MYOF: variants seen among roughly 807,000 people sequenced by gnomAD.
MYOF encodes fer-1-like 3, myoferlin.
In MYOF, 244 loss-of-function variants were observed where a neutral mutation model predicts 284.2. That is an observed-to-expected ratio of 0.86 (90% confidence interval 0.77 to 0.95). The LOEUF (loss-of-function observed/expected upper bound fraction) is 0.95, where lower values mean the gene tolerates loss of function less well. Among genes scored for constraint, MYOF ranks in the 40% least tolerant of loss-of-function variants. MYOF has a pLI of 0.00. For synonymous variants in MYOF, 904 were observed against 919.7 expected (o/e 0.98, Z 0.31); for missense variants, 2,496 against 2,560.6 (o/e 0.97, Z 0.54).
Position 93,326,118 on chromosome 10 carries a change from CAGAA to C in MYOF, c.5132-157_5132-154del, listed in dbSNP as rs377679326. On this transcript the variant is annotated intron_variant, in intron 45 of 53. Transcript: ENST00000359263. ...CTTTGACTTGTGAAGGAAGAGTTGA[CAGAA>C]AGAGCTTCTGACCAGGAGCCCTGTC... 1.1e-3 allele frequency among the ~76,000 whole-genome samples: 163 copies of C among 152,292 alleles called. 1 individual carries two copies. Among genetic ancestry groups the C allele is most frequent in the African/African-American group, 3.6e-3 (149 of 41,558 alleles).
intron 3 of MYOF, among the ~76,000 whole-genome samples, chr10:93,440,239 C>G (rs1364039300): frequency 1.3e-5 from 2 of 152,078 alleles, no homozygotes; most frequent in Admixed American, 1.3e-4. Context: ...TGGTGAAACC[C>G]CATTTCTACT....
At chr10:93,318,585 C>T (rs1842720734) in intron 49 of MYOF, among the ~76,000 whole-genome samples, 1 of 151,952 alleles carries the variant, frequency 6.6e-6, no homozygotes, top group African/African-American at 2.4e-5. Context: ...ACGGAGAAAC[C>T]CCGTCTCTAC....
chr10:93,354,754 C>G (rs1235855304), intron 31 of MYOF, among the ~76,000 whole-genome samples: 1 of 149,646 alleles, frequency 6.7e-6, no homozygotes, highest in Non-Finnish European at 1.5e-5. Flanking sequence ...GGGAGCTCTA[C>G]TACCTGAGTT....
At chr10:93,424,512 C>T (rs1469883465) in intron 5 of MYOF, among the ~76,000 whole-genome samples, 1 of 151,996 alleles carries the variant, frequency 6.6e-6, no homozygotes, top group Admixed American at 6.6e-5. Flanking sequence ...TGTTCTTGAG[C>T]CACTGCAGCG....
rs1847758335 is a variant in MYOF at position 93,408,842 on chromosome 10, C to T, written c.674G>A (p.Cys225Tyr). Residue 225 changes from cysteine to tyrosine, a missense_variant, in exon 7 of 54, where the codon TGT becomes TAT. Physicochemically the swap from Cys to Tyr is radical, Grantham distance 194. Transcript: ENST00000359263. ...NIRPVVKVHV[C>Y]GQTHRTRIKR... ...GATTCTTGTTCGGTGTGTCTGGCCA[C>T]AGACGTGAACTTTGACCACAGGCCT... The T allele has an allele frequency of 1.9e-6, 3 of 1,614,194 alleles. No homozygotes were observed. The highest frequency in any genetic ancestry group is 2.5e-6 in the Non-Finnish European group (3 of 1,180,038).
At chr10:93,393,454 T>G (rs1846800618) in intron 16 of MYOF, among the ~76,000 whole-genome samples, 1 of 152,214 alleles carries the variant, frequency 6.6e-6, no homozygotes, top group Admixed American at 6.5e-5. Flanking sequence ...TAAGGCCCTG[T>G]AACCCCATGG....
At chr10:93,336,666 G>A (rs1843620685) in intron 40 of MYOF, among the ~76,000 whole-genome samples, 1 of 151,808 alleles carries the variant, frequency 6.6e-6, no homozygotes, top group African/African-American at 2.4e-5. Flanking sequence ...GTTCACATAG[G>A]GTATATACAA....
At chr10:93,326,355 G>A (rs1053191297) in intron 45 of MYOF, among the ~76,000 whole-genome samples, 3 of 152,132 alleles carry the variant, frequency 2.0e-5, no homozygotes, top group East Asian at 1.9e-4. Flanking sequence ...TATCTCCTCC[G>A]GACCTGGCCC....
chr10:93,323,713 A>G (rs146600486), intron 46 of MYOF: 31 of 235,420 alleles, frequency 1.3e-4, no homozygotes, highest in South Asian at 4.2e-4. Flanking sequence ...ACACACACAC[A>G]CGCGCGTGCG....
At chr10:93,398,868 T>A (rs1202253569) in intron 13 of MYOF, among the ~76,000 whole-genome samples, 1 of 152,138 alleles carries the variant, frequency 6.6e-6, no homozygotes, top group Non-Finnish European at 1.5e-5. Context: ...TCTTTGACCA[T>A]CTCTGTAGGT....
At chr10:93,404,866 G>T (rs1218979862) in intron 7 of MYOF, among the ~76,000 whole-genome samples, 1 of 152,106 alleles carries the variant, frequency 6.6e-6, no homozygotes, top group Non-Finnish European at 1.5e-5. Context: ...AGTCAATATT[G>T]ACCACATTGT....
chr10:93,431,657 C>G (rs1298595446), intron 3 of MYOF, 141 bp from the exon 4 acceptor site: 2 of 609,782 alleles, frequency 3.3e-6, no homozygotes, highest in Non-Finnish European at 5.8e-6. Context: ...TGCTATTAGC[C>G]TCGCAGGGCA....
intron 45 of MYOF, among the ~76,000 whole-genome samples, chr10:93,326,611 A>G (rs1350540842): frequency 6.6e-6 from 1 of 152,190 alleles, no homozygotes; most frequent in Non-Finnish European, 1.5e-5. Flanking sequence ...AGCAGCTGGC[A>G]TCACTGGTAT....
chr10:93,397,757 C>T (rs551289835), intron 13 of MYOF, among the ~76,000 whole-genome samples: 10 of 151,568 alleles, frequency 6.6e-5, no homozygotes, highest in Admixed American at 3.3e-4. Context: ...TGTTACATAC[C>T]GTTTGGGAAG....
intron 37 of MYOF, 62 bp downstream of exon 37, chr10:93,347,555 T>A: frequency 1.6e-5 from 5 of 308,558 alleles, no homozygotes; most frequent in Non-Finnish European, 2.2e-5. Flanking sequence ...CGAGACTCCG[T>A]CTCAAAAAAA....
chr10:93,460,329 C>T (rs1330605137), intron 1 of MYOF, among the ~76,000 whole-genome samples: 2 of 152,238 alleles, frequency 1.3e-5, no homozygotes, highest in African/African-American at 2.4e-5. Context: ...TCAGGAGGCA[C>T]AGGATTGTTC....
chr10:93,425,762 G>T, intron 5 of MYOF: 1 of 394,306 alleles, frequency 2.5e-6, no homozygotes, highest in African/African-American at 2.0e-5. Context: ...GACACTGTAT[G>T]GGGTGGAAGC....
rs144461915 is a variant in MYOF at position 93,407,423 on chromosome 10, CAAAAAAA to C, written c.729+1357_729+1363del. On this transcript the variant is annotated intron_variant, in intron 7 of 53. Transcript: ENST00000359263. Reference sequence around the variant, plus strand: ...AGCCTTGGCAACAGAGACTCTGTCTCAAAAAAAAAAAAAAAAAAAAAAAAAGGCCGGG... The same window carrying C: ...AGCCTTGGCAACAGAGACTCTGTCTCAAAAAAAAAAAAAAAAAAGGCCGGG... Among the ~76,000 whole-genome samples, 69 of 38,098 alleles carry C rather than the reference CAAAAAAA, an allele frequency of 1.8e-3. 1 individual carries two copies. The highest frequency in any genetic ancestry group is 6.3e-3 in the African/African-American group (62 of 9,916). 25.0% of individuals were successfully genotyped at this position (38,098 alleles called of 152,430 possible). A position where few individuals can be genotyped will look rare whatever the true frequency, so the allele number is the denominator to read the frequency against.
chr10:93,398,989 T>C (rs563114007), intron 13 of MYOF, among the ~76,000 whole-genome samples: 1 of 148,288 alleles, frequency 6.7e-6, no homozygotes, highest in South Asian at 2.2e-4. Flanking sequence ...TACTGGGGCA[T>C]GGAAGGTGAG....
Sources: gnomAD v4.1 joint callset for allele counts (sites outside exome capture counted in the v4.1 genomes callset) on GRCh38, gnomAD v4.1.1 for gene constraint, MANE v1.5 for transcripts, NCBI Gene and HGNC (gene_info 2026-07-23, HGNC 2026-07-21) for gene names.